CDYL: variants seen among roughly 807,000 people sequenced by gnomAD.
CDYL encodes the protein chromodomain Y like, also known as chromodomain Y-like protein.
CDYL carries 8 observed loss-of-function variants against 47.3 expected under a neutral mutation model. That is an observed-to-expected ratio of 0.17 (90% CI 0.10 to 0.31). CDYL has a LOEUF of 0.31. CDYL is among the 10% of genes least tolerant of loss of function. The pLI is 1.00. For missense variants in CDYL, 471 were observed against 701.4 expected (o/e 0.67, Z 3.71); for synonymous variants, 266 against 265.0 (o/e 1.00, Z -0.04).
chr6:4,874,739 G>A lies in CDYL; in HGVS notation c.25-16974G>A, dbSNP rs114440069. Among the ~76,000 whole-genome samples, 1,351 of 152,318 alleles carry A rather than the reference G, an allele frequency of 8.9e-3. 11 individuals carry two copies. Among genetic ancestry groups the A allele is most frequent in the Non-Finnish European group, 0.014 (920 of 68,036 alleles). ...GGGCTCCCATCGCCCCATCACCATG[G>A]ATAAGCACTGTTCTCATGTCCCTTT... On this transcript the variant is annotated intron_variant, in intron 1 of 6. Transcript: ENST00000397588.
chr6:4,914,403 C>T (rs757646835), intron 2 of CDYL, among the ~76,000 whole-genome samples: 4 of 152,142 alleles, frequency 2.6e-5, no homozygotes, highest in African/African-American at 9.7e-5. Context: ...CGAACTGCTA[C>T]GCTGTCGTGC....
At chr6:4,921,148 A>G (rs957281954) in intron 2 of CDYL, among the ~76,000 whole-genome samples, 1 of 152,200 alleles carries the variant, frequency 6.6e-6, no homozygotes, top group African/African-American at 2.4e-5. Flanking sequence ...AGGTGGGTAG[A>G]TAGATAAATA....
intron 1 of CDYL, among the ~76,000 whole-genome samples, chr6:4,713,077 C>T (rs779863041): frequency 2.4e-4 from 36 of 152,258 alleles, no homozygotes; most frequent in Non-Finnish European, 4.4e-4. Flanking sequence ...CCCAGAAGGT[C>T]GAGGCTGCAG....
At chr6:4,871,515 GT>G (rs1340863495) in intron 1 of CDYL, among the ~76,000 whole-genome samples, 11 of 152,190 alleles carry the variant, frequency 7.2e-5, no homozygotes, top group African/African-American at 2.7e-4. Flanking sequence ...GAAGACTGCA[GT>G]TAGTGAAACC....
chr6:4,843,529 C>CT (rs1581206434), intron 1 of CDYL, among the ~76,000 whole-genome samples: 1 of 124,034 alleles, frequency 8.1e-6, no homozygotes, highest in African/African-American at 3.0e-5. Context: ...TTTTTTAATT[C>CT]TTTTTTTGTC....
At chr6:4,829,513 C>G (rs1264185791) in intron 1 of CDYL, among the ~76,000 whole-genome samples, 1 of 152,214 alleles carries the variant, frequency 6.6e-6, no homozygotes, top group African/African-American at 2.4e-5. Flanking sequence ...AGAAACTTCT[C>G]AGGTCTTTCT....
chr6:4,873,853 A>C (rs1363709343), intron 1 of CDYL, among the ~76,000 whole-genome samples: 1 of 152,164 alleles, frequency 6.6e-6, no homozygotes, highest in Admixed American at 6.5e-5. Context: ...ACACCTTCAC[A>C]TGCGCCGCAG....
At chr6:4,923,678 T>C (rs74756250) in intron 2 of CDYL, among the ~76,000 whole-genome samples, 8,057 of 152,184 alleles carry the variant, frequency 0.053, 401 homozygotes, top group African/African-American at 0.13. Context: ...ACATTCCTAC[T>C]GACAGTGGAT....
intron 3 of CDYL, 34 bp downstream of exon 3, chr6:4,935,805 C>T (rs770199065): frequency 2.0e-5 from 32 of 1,608,792 alleles, no homozygotes; most frequent in East Asian, 4.5e-5. Flanking sequence ...GTGGGCTTCG[C>T]GCTTCTCCCT....
chr6:4,731,794 CTGAG>C lies in CDYL; in HGVS notation c.104-2964_104-2961del, dbSNP rs1393060510. Among the ~76,000 whole-genome samples, 3 of 151,630 alleles carry C rather than the reference CTGAG, an allele frequency of 2.0e-5. No individual in the cohort carries two copies. In the East Asian group the frequency reaches 5.8e-4, roughly 29 times the overall value. ...CAACATCGCACCACTGCACTCCAGC[CTGAG>C]TGACAGAGAAAGACTCTGTCTCAAA... On this transcript the variant is annotated intron_variant, in intron 2 of 8. Transcript: ENST00000328908.
intron 2 of CDYL, among the ~76,000 whole-genome samples, chr6:4,909,817 G>A (rs976028395): frequency 6.6e-6 from 1 of 151,518 alleles, no homozygotes; most frequent in Non-Finnish European, 1.5e-5. Context: ...CTTGTGATCT[G>A]CCTTCTCGGC....
chr6:4,950,889 A>G (rs7745689), intron 5 of CDYL, among the ~76,000 whole-genome samples: 4,196 of 146,352 alleles, frequency 0.029, 190 homozygotes, highest in African/African-American at 0.1. Flanking sequence ...CCGATATTGC[A>G]CCACTGCACT....
intron 3 of CDYL, among the ~76,000 whole-genome samples, chr6:4,751,301 G>A (rs1291235733): frequency 2.6e-5 from 4 of 152,140 alleles, no homozygotes; most frequent in South Asian, 4.1e-4. Context: ...TTGGGAATCC[G>A]TTAGAAATGC....
At chr6:4,750,497 C>T (rs887974721) in intron 3 of CDYL, among the ~76,000 whole-genome samples, 6 of 151,784 alleles carry the variant, frequency 4.0e-5, no homozygotes, top group African/African-American at 4.9e-5. Flanking sequence ...CCACCATGCC[C>T]GGCCAAAAAA....
In CDYL at chr6:4,746,094, G is replaced by A. The variant is rs186664335; in HGVS notation, c.186+11250G>A. Among the ~76,000 whole-genome samples the A allele has an allele frequency of 1.2e-3, 185 of 152,208 alleles. 1 individual carries two copies. Among genetic ancestry groups the A allele is most frequent in the African/African-American group, 3.6e-3 (151 of 41,536 alleles). On this transcript the variant is annotated intron_variant, in intron 3 of 8. Transcript: ENST00000328908. ...AGGTTCATTCTAGCTGGCTGGGCGC[G>A]GTGGCTCACCCCTGTAATCCCAGCA... is the stretch of plus-strand genomic sequence containing the variant.
chr6:4,933,931 C>G (rs1460633844), intron 2 of CDYL, among the ~76,000 whole-genome samples: 2 of 152,342 alleles, frequency 1.3e-5, no homozygotes, highest in East Asian at 3.9e-4. Context: ...TGGGCCTCGC[C>G]TGCCACGCAG....
At position 4,891,707 on chromosome 6, in the gene CDYL, G is replaced by T; in HGVS notation, c.25-6G>T. 1 of 1,588,068 alleles carries T rather than the reference G, an allele frequency of 6.3e-7. No individual in the cohort carries two copies. Among genetic ancestry groups the T allele is most frequent in the South Asian group, 1.2e-5 (1 of 86,832 alleles). ...TTTAAAACTATTTTTTTCCTTTTAT[G>T]AACAGGTTGAAAGGATTGTTGACAA... On this transcript the variant is annotated splice_polypyrimidine_tract_variant and splice_region_variant and intron_variant, in intron 1 of 6. Coordinates refer to ENST00000397588, the MANE Select transcript of CDYL (RefSeq NM_004824.4).
intron 3 of CDYL, among the ~76,000 whole-genome samples, chr6:4,751,460 AG>A (rs1757989529): frequency 6.6e-6 from 1 of 152,248 alleles, no homozygotes; most frequent in Non-Finnish European, 1.5e-5. Context: ...TAAGCATTTA[AG>A]TATACCTTTC....
At chr6:4,823,429 C>T (rs1759894327) in intron 1 of CDYL, among the ~76,000 whole-genome samples, 2 of 152,216 alleles carry the variant, frequency 1.3e-5, no homozygotes, top group African/African-American at 4.8e-5. Context: ...GATTGGCATT[C>T]ATGCATGCCT....
Sources: allele counts gnomAD v4.1 joint callset (sites outside exome capture counted in the v4.1 genomes callset), GRCh38; gene constraint gnomAD v4.1.1; transcripts MANE v1.5; gene names NCBI Gene and HGNC (gene_info 2026-07-23, HGNC 2026-07-21).